Variants in DIAPH2 observed in about 807,000 individuals in gnomAD.
DIAPH2 encodes protein diaphanous homolog 2.
DIAPH2 carries 35 observed loss-of-function variants against 92.7 expected under a neutral mutation model. That is an observed-to-expected ratio of 0.38 (90% CI 0.29 to 0.50). The LOEUF is 0.50. Among genes scored for constraint, DIAPH2 ranks in the 20% least tolerant of loss-of-function variants. DIAPH2 has a pLI of 0.94. For missense variants in DIAPH2, 701 were observed against 819.5 expected (o/e 0.86, Z 1.77); for synonymous variants, 301 against 280.4 (o/e 1.07, Z -0.73).
chrX:97,427,177 C>CA (rs999775240), intron 25 of DIAPH2, among the ~76,000 whole-genome samples: 89 of 90,495 alleles, frequency 9.8e-4, no homozygotes, highest in South Asian at 4.4e-3. Flanking sequence ...GACTCTGGCT[C>CA]AAAAAAAAAA....
At chrX:97,031,548 T>G (rs2066374635) in intron 17 of DIAPH2, among the ~76,000 whole-genome samples, 1 of 111,654 alleles carries the variant, frequency 9.0e-6, no homozygotes, top group African/African-American at 3.3e-5. Flanking sequence ...GTTAACAGTA[T>G]GTTAATTGCA....
chrX:97,059,069 G>A (rs1027879814), intron 17 of DIAPH2, among the ~76,000 whole-genome samples: 4 of 111,659 alleles, frequency 3.6e-5, no homozygotes, highest in African/African-American at 1.3e-4. Flanking sequence ...GAGATGAACT[G>A]AAAATATTTT....
chrX:97,378,212 G>A lies in DIAPH2; in HGVS notation c.3010-5697G>A, dbSNP rs1175642040. On this transcript the variant is annotated intron_variant, in intron 24 of 26. Transcript: ENST00000324765. ...AGCCTGGCCAACATGGTGAGACCCC[G>A]TCTCTACAAAAAATACAAAAATTAT... Among the ~76,000 whole-genome samples the A allele has an allele frequency of 3.7e-5, 4 of 109,432 alleles. 1 individual carries two copies. In the South Asian group the frequency reaches 1.2e-3, roughly 32 times the overall value.
rs1569433123 is a variant in DIAPH2, at chrX:97,600,935, T to C, written c.*1618T>C. 2 of 111,637 alleles carry C rather than the reference T, an allele frequency of 1.8e-5. No individual in the cohort carries two copies. Among genetic ancestry groups the C allele is most frequent in the Non-Finnish European group, 3.8e-5 (2 of 53,138 alleles). 9.2% of individuals were successfully genotyped at this position (111,637 alleles called of 1,213,427 possible). A position where few individuals can be genotyped will look rare whatever the true frequency, so the allele number is the denominator to read the frequency against. ...CCAGTGCATCCTTACTTAGGTATTATACTTCTTTAAAAAGCTCTGAAGCTG... is the reference window on the plus strand; with the variant it reads ...CCAGTGCATCCTTACTTAGGTATTACACTTCTTTAAAAAGCTCTGAAGCTG... On this transcript the variant is annotated 3_prime_UTR_variant, in exon 27 of 27. Transcript: ENST00000324765.
chrX:96,897,181 T>A (rs1042968179), intron 5 of DIAPH2, among the ~76,000 whole-genome samples: 10 of 111,403 alleles, frequency 9.0e-5, no homozygotes, highest in African/African-American at 2.9e-4. Flanking sequence ...AGATTATTTT[T>A]AAAATTTCAA....
chrX:97,509,109 C>T (rs901029176), intron 26 of DIAPH2, among the ~76,000 whole-genome samples: 1 of 108,788 alleles, frequency 9.2e-6, no homozygotes, highest in South Asian at 4.0e-4. Flanking sequence ...TGCAGTGGTG[C>T]GATCTTGGCT....
chrX:97,494,908 G>A (rs1487479667), intron 26 of DIAPH2, among the ~76,000 whole-genome samples: 2 of 112,376 alleles, frequency 1.8e-5, no homozygotes, highest in Non-Finnish European at 3.8e-5. Context: ...CAATCTTGTA[G>A]AGCTATGCTC....
intron 4 of DIAPH2, among the ~76,000 whole-genome samples, chrX:96,836,105 T>G (rs932788648): frequency 2.7e-5 from 3 of 110,307 alleles, no homozygotes; most frequent in Non-Finnish European, 5.7e-5. Context: ...ATGGAATTTT[T>G]TTTTTTTCAT....
intron 23 of DIAPH2, among the ~76,000 whole-genome samples, chrX:97,268,856 CTTTT>C (rs747116851): frequency 1.2e-5 from 1 of 86,908 alleles, no homozygotes; most frequent in Admixed American, 1.3e-4. Flanking sequence ...TCTTTTCTTT[CTTTT>C]TTTTTTTTTT....
In DIAPH2 at chrX:96,883,296, T is replaced by C. The variant is rs1048242962; in HGVS notation, c.587+1578T>C. Among the ~76,000 whole-genome samples, 3 of 111,785 alleles carry C rather than the reference T, an allele frequency of 2.7e-5. No individual in the cohort carries two copies. In the Admixed American group the frequency reaches 2.9e-4, roughly 11 times the overall value. ...TTTTTTAAAAGCCAGTGTTAAGATG[T>C]GACTTATCTTAGAGTATGATAATCG... On this transcript the variant is annotated intron_variant, in intron 5 of 26. Transcript: ENST00000324765.
intron 1 of DIAPH2, among the ~76,000 whole-genome samples, chrX:96,708,949 A>G (rs752364271): frequency 6.2e-5 from 7 of 112,308 alleles, no homozygotes; most frequent in South Asian, 7.4e-4. Context: ...GTAGGCAAAT[A>G]GGGCAAGAAG....
intron 26 of DIAPH2, among the ~76,000 whole-genome samples, chrX:97,592,095 G>A (rs1047547279): frequency 3.6e-5 from 4 of 112,130 alleles, no homozygotes; most frequent in Non-Finnish European, 7.5e-5. Flanking sequence ...AAAATATCAT[G>A]TTTATGGTAG....
At chrX:96,703,437 T>G in intron 1 of DIAPH2, among the ~76,000 whole-genome samples, 1 of 112,128 alleles carries the variant, frequency 8.9e-6, no homozygotes, top group Admixed American at 9.5e-5. Context: ...ACATGTACTG[T>G]AAATAGTGTG....
chrX:97,458,628 A>G (rs757190055), intron 26 of DIAPH2, among the ~76,000 whole-genome samples: 9 of 111,482 alleles, frequency 8.1e-5, no homozygotes, highest in Non-Finnish European at 1.7e-4. Flanking sequence ...GAGGTTTTAT[A>G]TTGGAGCACA....
At chrX:97,234,758 ATTC>A (rs2068035588) in intron 22 of DIAPH2, among the ~76,000 whole-genome samples, 1 of 111,972 alleles carries the variant, frequency 8.9e-6, no homozygotes, top group Non-Finnish European at 1.9e-5. Context: ...TGTAAAAAGC[ATTC>A]TTAGTTCACA....
At chrX:96,910,283 G>A (rs1021073887) in intron 5 of DIAPH2, among the ~76,000 whole-genome samples, 2 of 111,422 alleles carry the variant, frequency 1.8e-5, no homozygotes, top group South Asian at 3.8e-4. Flanking sequence ...TTGGATAGTA[G>A]CTTGTTGCCA....
intron 23 of DIAPH2, among the ~76,000 whole-genome samples, chrX:97,259,171 C>T (rs1569343478): frequency 9.2e-6 from 1 of 108,628 alleles, no homozygotes; most frequent in Non-Finnish European, 1.9e-5. Context: ...ATGAGTAGTC[C>T]CACCATGAGT....
chrX:97,134,598 GC>G (rs2067158785), intron 21 of DIAPH2, among the ~76,000 whole-genome samples: 1 of 110,980 alleles, frequency 9.0e-6, no homozygotes, highest in African/African-American at 3.3e-5. Context: ...TTGGGGTTGG[GC>G]CCCCAAATTT....
At chrX:96,738,014 A>G (rs1272879790) in intron 2 of DIAPH2, among the ~76,000 whole-genome samples, 1 of 111,878 alleles carries the variant, frequency 8.9e-6, no homozygotes, top group Admixed American at 9.5e-5. Flanking sequence ...GAGAGAGACC[A>G]AGTAAACTTT....
Sources: allele counts gnomAD v4.1 joint callset (sites outside exome capture counted in the v4.1 genomes callset), GRCh38; gene constraint gnomAD v4.1.1; transcripts MANE v1.5; gene names NCBI Gene and HGNC (gene_info 2026-07-23, HGNC 2026-07-21).